The following GPATCH8 variants were observed in gnomAD, a reference collection of about 807,000 sequenced individuals.
GPATCH8 encodes G-patch domain containing 8.
Under a neutral mutation model 118.3 loss-of-function variants are expected in GPATCH8, and 18 were observed. The ratio of observed to expected loss-of-function variants is 0.15; its 90% CI spans 0.11 to 0.23. GPATCH8 has a LOEUF of 0.23. Ranked by LOEUF, GPATCH8 falls within the 10% of genes least tolerant of loss-of-function variation. GPATCH8 has a pLI of 1.00. For synonymous variants in GPATCH8, 659 were observed against 684.7 expected (o/e 0.96, Z 0.59); for missense variants, 1,631 against 1,873.8 (o/e 0.87, Z 2.39).
intron 3 of GPATCH8, among the ~76,000 whole-genome samples, chr17:44,442,108 CATATAT>C (rs36110298): frequency 4.5e-4 from 62 of 136,576 alleles, no homozygotes; most frequent in Middle Eastern, 3.8e-3. Flanking sequence ...TATATATATA[CATATAT>C]ATATATATAG....
chr17:44,417,128 C>A (rs1396612137), intron 6 of GPATCH8, among the ~76,000 whole-genome samples: 2 of 151,992 alleles, frequency 1.3e-5, no homozygotes, highest in Non-Finnish European at 2.9e-5. Context: ...ACCTCCTGGG[C>A]TCAAATGATT....
intron 6 of GPATCH8, among the ~76,000 whole-genome samples, chr17:44,411,909 A>G (rs1406248797): frequency 6.6e-6 from 1 of 152,130 alleles, no homozygotes; most frequent in African/African-American, 2.4e-5. Flanking sequence ...TCTGGGCAAC[A>G]CAGCAAGACT....
At position 44,398,211 on chromosome 17, in the gene GPATCH8, G is replaced by A. The variant is rs758026971; in HGVS notation, c.3866C>T (p.Pro1289Leu). The change falls in exon 8 of 8, where the codon CCT becomes CTT. Residue 1289 changes from proline (P) to leucine (L), a missense_variant. Physicochemically the swap from Pro to Leu is moderately conservative, Grantham distance 98. This residue lies in a region of GPATCH8 where 922 missense variants were observed against 879.7 expected (regional missense o/e 1.05). Transcript: ENST00000591680. ...AGCCCCATCTGTTGACTCAATACTA[G>A]GATCCCCACTGGGAGGTGCATAACT... ...FPSYAPPSGD[P>L]SIESTDGAED... 2 of 1,613,412 alleles carry A rather than the reference G, an allele frequency of 1.2e-6. No individual in the cohort carries two copies. The highest frequency in any genetic ancestry group is 2.2e-5 in the South Asian group (2 of 91,048).
chr17:44,483,958 C>G (rs924517346), intron 1 of GPATCH8, among the ~76,000 whole-genome samples: 4 of 152,156 alleles, frequency 2.6e-5, no homozygotes, highest in African/African-American at 9.7e-5. Context: ...TCTCCTGCTT[C>G]AGCGTCCCGA....
intron 5 of GPATCH8, among the ~76,000 whole-genome samples, chr17:44,429,129 T>C (rs957788621): frequency 1.3e-5 from 2 of 151,374 alleles, no homozygotes; most frequent in African/African-American, 4.9e-5. Flanking sequence ...CGACAGAGAC[T>C]CCATCTCAAA....
chr17:44,437,265 T>G (rs1452142079), intron 3 of GPATCH8, among the ~76,000 whole-genome samples: 2 of 152,198 alleles, frequency 1.3e-5, no homozygotes, highest in Non-Finnish European at 1.5e-5. Context: ...AAAGGACTAG[T>G]TGCGAAGAAA....
At chr17:44,449,515 T>G (rs1003781294) in intron 3 of GPATCH8, among the ~76,000 whole-genome samples, 5 of 144,794 alleles carry the variant, frequency 3.5e-5, no homozygotes, top group African/African-American at 1.3e-4. Flanking sequence ...AGAATCTACT[T>G]TTTTTTTTTT....
chr17:44,435,892 T>G (rs1366881774), intron 4 of GPATCH8, among the ~76,000 whole-genome samples: 2 of 150,266 alleles, frequency 1.3e-5, no homozygotes, highest in East Asian at 4.0e-4. Flanking sequence ...CATGGTGTCA[T>G]GCGCCTGTAA....
chr17:44,472,119 C>G (rs1967328595), intron 2 of GPATCH8, among the ~76,000 whole-genome samples: 1 of 151,916 alleles, frequency 6.6e-6, no homozygotes, highest in Non-Finnish European at 1.5e-5. Context: ...ATATATTTAT[C>G]TTTCAGAAGT....
chr17:44,452,558 T>G (rs1036517287), intron 3 of GPATCH8, among the ~76,000 whole-genome samples: 4 of 152,194 alleles, frequency 2.6e-5, no homozygotes, highest in Admixed American at 2.6e-4. Context: ...TATTCCTTCC[T>G]TTCCATTTCC....
At chr17:44,408,002 T>C (rs2049296346) in intron 6 of GPATCH8, among the ~76,000 whole-genome samples, 1 of 152,062 alleles carries the variant, frequency 6.6e-6, no homozygotes, top group South Asian at 2.1e-4. Context: ...AAGGATCAAC[T>C]ATTTTAAATA....
intron 6 of GPATCH8, among the ~76,000 whole-genome samples, chr17:44,407,950 C>T (rs1021804866): frequency 2.0e-5 from 3 of 151,990 alleles, no homozygotes; most frequent in Admixed American, 1.3e-4. Flanking sequence ...AGATACCACA[C>T]CCAGCCCACA....
rs2048761434 is a variant in GPATCH8, at chr17:44,395,860, G to A, written c.*1708C>T. 2.2e-6 allele frequency: 1 copy of A among 454,108 alleles called. No individual in the cohort carries two copies. Among genetic ancestry groups the A allele is most frequent in the Non-Finnish European group, 4.4e-6 (1 of 226,790 alleles). The allele number at this position is 454,108 out of a possible 1,614,324, so 28.1% of individuals were successfully genotyped here. Reference sequence around the variant, plus strand: ...ATTGTTAACCTCATCAAAGGAGATGGGACCTGCAACACAAGCACCTTTGGG... The same window carrying A: ...ATTGTTAACCTCATCAAAGGAGATGAGACCTGCAACACAAGCACCTTTGGG... On this transcript the variant is annotated 3_prime_UTR_variant, in exon 8 of 8. Coordinates refer to ENST00000591680, the MANE Select transcript of GPATCH8 (RefSeq NM_001002909.4).
intron 2 of GPATCH8, among the ~76,000 whole-genome samples, chr17:44,467,828 G>A (rs1966920752): frequency 6.6e-6 from 1 of 152,102 alleles, no homozygotes; most frequent in Non-Finnish European, 1.5e-5. Flanking sequence ...ACACAAGGAG[G>A]CACACCAAAA....
At chr17:44,486,803 T>C (rs1400425802) in intron 1 of GPATCH8, 1 of 152,248 alleles carries the variant, frequency 6.6e-6, no homozygotes, top group East Asian at 1.9e-4. Context: ...AAATTACACA[T>C]GCTCTTTGGA....
Position 44,400,011 on chromosome 17 carries a change from C to T in GPATCH8, c.2066G>A (p.Arg689His), listed in dbSNP as rs779131838. The T allele has an allele frequency of 5.9e-5, 96 of 1,613,802 alleles. No homozygotes were observed. Among genetic ancestry groups the T allele is most frequent in the Non-Finnish European group, 7.6e-5 (90 of 1,179,966 alleles). The change falls in exon 8 of 8, where the codon CGT (arginine) becomes CAT (histidine). Residue 689 changes from arginine to histidine, a missense_variant. By Grantham distance (29) the Arg-to-His change is conservative. Around this residue, in one of 8 missense-constraint regions of GPATCH8, gnomAD observed 922 missense variants for 879.7 expected, o/e 1.05. Transcript: ENST00000591680. ...CTCTTCTGTGTCAGCCTTGTGTTTA[C>T]GTTTGTGTTTGCTGGATTTTTTGTG... is the stretch of plus-strand genomic sequence containing the variant. ...KKHKKSSKHKRKHKADTEEKS... is the reference protein window; with the variant it reads ...KKHKKSSKHKHKHKADTEEKS...
Position 44,400,578 on chromosome 17 carries a change from T to C in GPATCH8, c.1499A>G (p.Gln500Arg). 3.7e-6 allele frequency: 6 copies of C among 1,614,232 alleles called. No individual in the cohort carries two copies. Among genetic ancestry groups the C allele is most frequent in the Non-Finnish European group, 5.1e-6 (6 of 1,180,024 alleles). ...VSDQSLESHS[Q>R]KVSETQMCES... ...ACACATTTGGGTCTCTGAAACCTTC[T>C]GACTATGACTTTCTAAACTCTGATC... The change falls in exon 8 of 8, where the codon CAG becomes CGG. Residue 500 changes from glutamine (Q) to arginine (R), a missense_variant. Transcript: ENST00000591680.
chr17:44,398,480 A>C lies in GPATCH8; in HGVS notation c.3597T>G (p.Thr1199=). The part of the protein sequence containing the change: ...FGHQFPSEET[T]GPLLDPPPEE... ...CTGGGGGTGGGTCTAATAAGGGGCCAGTTGTTTCCTCTGAAGGGAACTGAT... is the reference window on the plus strand; with the variant it reads ...CTGGGGGTGGGTCTAATAAGGGGCCCGTTGTTTCCTCTGAAGGGAACTGAT... Residue 1199 remains threonine (T), a synonymous_variant, in exon 8 of 8, where the codon ACT becomes ACG. Transcript: ENST00000591680. The C allele has an allele frequency of 6.2e-7, 1 of 1,609,794 alleles. No homozygotes were observed. Among genetic ancestry groups the C allele is most frequent in the Non-Finnish European group, 8.5e-7 (1 of 1,177,768 alleles).
intron 3 of GPATCH8, among the ~76,000 whole-genome samples, chr17:44,462,729 T>C (rs914503851): frequency 7.2e-5 from 11 of 152,092 alleles, no homozygotes; most frequent in African/African-American, 2.7e-4. Context: ...ACACCTATAA[T>C]CCCAGCACTT....
Sources: gnomAD v4.1 joint callset for allele counts (sites outside exome capture counted in the v4.1 genomes callset) on GRCh38, gnomAD v4.1.1 for gene constraint, gnomAD v4.1.1 regional missense constraint, MANE v1.5 for transcripts, NCBI Gene and HGNC (gene_info 2026-07-23, HGNC 2026-07-21) for gene names.